The following RBFOX1 variants were observed in gnomAD, a reference collection of about 807,000 sequenced individuals.
The protein encoded by RBFOX1 is RNA binding protein fox-1 homolog 1.
A neutral mutation model predicts 57.7 loss-of-function variants in RBFOX1; 8 were observed. The ratio of observed to expected loss-of-function variants is 0.14; its 90% CI spans 0.08 to 0.25. The LOEUF (loss-of-function observed/expected upper bound fraction) is 0.25. Among genes scored for constraint, RBFOX1 ranks in the 10% least tolerant of loss-of-function variants. The pLI is 1.00. For synonymous variants in RBFOX1, 326 were observed against 222.4 expected, an observed-to-expected ratio of 1.47 and a Z score of -4.15; for missense variants, 611 against 548.5, an observed-to-expected ratio of 1.11 and a Z score of -1.14.
chr16:5,625,736 T>C (rs887630083), intron 3 of RBFOX1, among the ~76,000 whole-genome samples: 9 of 151,364 alleles, frequency 5.9e-5, no homozygotes, highest in Non-Finnish European at 8.8e-5. Flanking sequence ...TTTTGTATTT[T>C]TGGTAGAGAC....
intron 3 of RBFOX1, among the ~76,000 whole-genome samples, chr16:7,048,380 C>G (rs921101160): frequency 6.6e-6 from 1 of 152,036 alleles, no homozygotes; most frequent in African/African-American, 2.4e-5. Flanking sequence ...CTGCCTCAGC[C>G]TCCCTAGTAG....
intron 4 of RBFOX1, among the ~76,000 whole-genome samples, chr16:5,921,039 G>A (rs748217740): frequency 3.3e-5 from 5 of 152,244 alleles, no homozygotes; most frequent in Non-Finnish European, 5.9e-5. Flanking sequence ...TTCCTGCTCC[G>A]TCTCTGATGT....
downstream of RBFOX1, chr16:5,601,356 G>C (rs996231138): frequency 1.3e-5 from 2 of 152,376 alleles, no homozygotes; most frequent in Non-Finnish European, 2.9e-5. Context: ...CATGGTGGAT[G>C]GTGTCTGCCA....
intron 3 of RBFOX1, among the ~76,000 whole-genome samples, chr16:6,669,581 T>G (rs754713986): frequency 6.6e-6 from 1 of 152,202 alleles, no homozygotes; most frequent in Admixed American, 6.5e-5. Context: ...AAAAAGTCGT[T>G]AGAATCAAGT....
At chr16:5,943,400 C>G (rs2059321987) in intron 4 of RBFOX1, among the ~76,000 whole-genome samples, 1 of 152,132 alleles carries the variant, frequency 6.6e-6, no homozygotes, top group Admixed American at 6.5e-5. Context: ...GTCCACATAC[C>G]CAGGTGCTCG....
At chr16:5,652,027 G>T (rs546132642) in intron 3 of RBFOX1, among the ~76,000 whole-genome samples, 1 of 152,210 alleles carries the variant, frequency 6.6e-6, no homozygotes, top group East Asian at 1.9e-4. Flanking sequence ...CCAGCTACTT[G>T]GGAGGCTGAG....
intron 2 of RBFOX1, among the ~76,000 whole-genome samples, chr16:6,317,863 G>C (rs2081300326): frequency 6.6e-6 from 1 of 152,140 alleles, no homozygotes; most frequent in African/African-American, 2.4e-5. Context: ...TAAAAGGCTA[G>C]CTGAAAGAAA....
chr16:6,987,203 C>G (rs915064354), intron 3 of RBFOX1, among the ~76,000 whole-genome samples: 1 of 151,978 alleles, frequency 6.6e-6, no homozygotes, highest in African/African-American at 2.4e-5. Flanking sequence ...TCTTGATTAC[C>G]CATAATAACA....
At chr16:5,240,029 A>C (rs763424557) in exon 1 of RBFOX1, 9 of 1,530,446 alleles carry the variant, frequency 5.9e-6, no homozygotes, top group African/African-American at 1.4e-5. Flanking sequence ...CAGCCCGAGG[A>C]CTGCGAGGAC....
intron 4 of RBFOX1, among the ~76,000 whole-genome samples, chr16:5,933,188 C>G (rs1388022438): frequency 6.6e-6 from 1 of 152,194 alleles, no homozygotes; most frequent in African/African-American, 2.4e-5. Flanking sequence ...TTTGCATACG[C>G]TGCCTGTGTC....
At position 6,002,375 on chromosome 16, in the gene RBFOX1, A is replaced by T. The variant is rs186853058; in HGVS notation, c.351+135040A>T. Among the ~76,000 whole-genome samples the T allele has an allele frequency of 9.2e-5, 14 of 152,360 alleles. 1 individual carries two copies. The highest frequency in any genetic ancestry group is 9.1e-4 in the Admixed American group (14 of 15,312). ...GTGGTACAGAGGAAATAGAGTTTTGACATGGAGACCCAGAGGAAGTAGCAG... is the reference window on the plus strand; with the variant it reads ...GTGGTACAGAGGAAATAGAGTTTTGTCATGGAGACCCAGAGGAAGTAGCAG... On this transcript the variant is annotated intron_variant, in intron 4 of 19. Transcript: ENST00000641259.
At chr16:6,166,901 G>A (rs941378649) in intron 1 of RBFOX1, among the ~76,000 whole-genome samples, 2 of 152,024 alleles carry the variant, frequency 1.3e-5, no homozygotes, top group Non-Finnish European at 1.5e-5. Context: ...AGCCTCCCAA[G>A]TAGCTGGGAC....
At chr16:5,389,579 G>T (rs1206232749) in intron 1 of RBFOX1, among the ~76,000 whole-genome samples, 3 of 152,046 alleles carry the variant, frequency 2.0e-5, no homozygotes, top group African/African-American at 7.2e-5. Flanking sequence ...CATCCTTTGG[G>T]CATTCCCTTC....
chr16:6,026,903 C>T lies in RBFOX1; in HGVS notation c.-127+6911C>T, dbSNP rs886928727. 2.0e-5 allele frequency among the ~76,000 whole-genome samples: 3 copies of T among 152,304 alleles called. No individual in the cohort carries two copies. In the East Asian group the frequency reaches 5.8e-4, roughly 30 times the overall value. ...GTCACAGCTGGAGCTGCTCTGATAG[C>T]CACTCAAAATGTGGTGTGCAAACCA... On this transcript the variant is annotated intron_variant, in intron 1 of 15. Transcript: ENST00000550418.
intron 3 of RBFOX1, among the ~76,000 whole-genome samples, chr16:6,695,413 C>CAAA (rs71145278): frequency 0.011 from 1,232 of 108,864 alleles, 22 homozygotes; most frequent in African/African-American, 0.033. Context: ...GAAACTCTGT[C>CAAA]AAAAAAAAAA....
chr16:5,281,531 T>A (rs549460863), intron 1 of RBFOX1, among the ~76,000 whole-genome samples: 2 of 152,340 alleles, frequency 1.3e-5, no homozygotes, highest in East Asian at 1.9e-4. Context: ...GATATTGAAG[T>A]GCTCAACTAT....
intron 4 of RBFOX1, among the ~76,000 whole-genome samples, chr16:5,880,611 G>T (rs1400362985): frequency 6.6e-6 from 1 of 152,164 alleles, no homozygotes. Context: ...GGTCACCTTG[G>T]TAGTCACTGA....
At chr16:5,668,518 C>G (rs951780240) in intron 3 of RBFOX1, among the ~76,000 whole-genome samples, 1 of 152,184 alleles carries the variant, frequency 6.6e-6, no homozygotes, top group Middle Eastern at 3.2e-3. Flanking sequence ...ATAGAGCAAT[C>G]TGTTATTTGG....
chr16:7,032,603 G>GTTTC (rs936739045), intron 3 of RBFOX1, among the ~76,000 whole-genome samples: 8 of 135,934 alleles, frequency 5.9e-5, no homozygotes, highest in African/African-American at 2.3e-4. Context: ...TTGTTTGTTT[G>GTTTC]TTTGTTTTGC....
Sources: gnomAD v4.1 joint callset for allele counts (sites outside exome capture counted in the v4.1 genomes callset) on GRCh38, gnomAD v4.1.1 for gene constraint, MANE v1.5 for transcripts, NCBI Gene and HGNC (gene_info 2026-07-23, HGNC 2026-07-21) for gene names.